CNTNAP2: variants seen among roughly 807,000 people sequenced by gnomAD.
The protein encoded by CNTNAP2 is contactin-associated protein-like 2.
In CNTNAP2, 98 loss-of-function variants were observed where a neutral mutation model predicts 155.2. The observed-to-expected ratio is 0.63, with a 90% CI of 0.54 to 0.75. The LOEUF is 0.75. CNTNAP2 is among the 30% of genes least tolerant of loss of function. The probability of loss-of-function intolerance (pLI) is 0.00; values close to 1 mark genes in which losing one functional copy is unlikely to be tolerated. For missense variants in CNTNAP2, 1,727 were observed against 1,688.1 expected, an observed-to-expected ratio of 1.02 and a Z score of -0.40; for synonymous variants, 651 against 631.2, an observed-to-expected ratio of 1.03 and a Z score of -0.47.
At chr7:148,166,671 A>C (rs1176492508) in intron 17 of CNTNAP2, among the ~76,000 whole-genome samples, 1 of 152,204 alleles carries the variant, frequency 6.6e-6, no homozygotes, top group Non-Finnish European at 1.5e-5. Flanking sequence ...AGAAAAAATG[A>C]TTTACAAATT....
intron 3 of CNTNAP2, among the ~76,000 whole-genome samples, chr7:146,943,208 G>A (rs866993709): frequency 6.6e-6 from 1 of 152,166 alleles, no homozygotes; most frequent in Non-Finnish European, 1.5e-5. Flanking sequence ...TTACTTTAAA[G>A]AGAAAGGAAA....
intron 9 of CNTNAP2, among the ~76,000 whole-genome samples, chr7:147,327,425 T>C (rs1795480669): frequency 6.6e-6 from 1 of 152,206 alleles, no homozygotes; most frequent in Admixed American, 6.5e-5. Context: ...CTGCATTTCA[T>C]TGGCATTTTC....
chr7:147,306,930 C>T (rs1795040469), intron 9 of CNTNAP2, among the ~76,000 whole-genome samples: 1 of 152,082 alleles, frequency 6.6e-6, no homozygotes, highest in African/African-American at 2.4e-5. Flanking sequence ...ACAAAGAGTG[C>T]AATTAAAAGA....
At chr7:147,004,814 G>A (rs1003057816) in intron 3 of CNTNAP2, among the ~76,000 whole-genome samples, 11 of 152,026 alleles carry the variant, frequency 7.2e-5, no homozygotes, top group Admixed American at 3.3e-4. Context: ...GCTTCTCCAA[G>A]GCTACCTAGC....
chr7:147,560,168 C>CAAAAAAAAAAAAACA (rs1800033185), intron 11 of CNTNAP2, among the ~76,000 whole-genome samples: 1 of 52,828 alleles, frequency 1.9e-5, no homozygotes, highest in Admixed American at 2.7e-4. Flanking sequence ...AACTCCGTCT[C>CAAAAAAAAAAAAACA]AAAAAAAAAA....
chr7:147,774,430 G>A (rs1797526719), intron 13 of CNTNAP2, among the ~76,000 whole-genome samples: 1 of 152,136 alleles, frequency 6.6e-6, no homozygotes, highest in Non-Finnish European at 1.5e-5. Context: ...AACTGAGAGG[G>A]TTAAAACAAT....
intron 1 of CNTNAP2, among the ~76,000 whole-genome samples, chr7:146,355,060 T>A (rs886969903): frequency 4.6e-5 from 7 of 152,204 alleles, no homozygotes; most frequent in Admixed American, 4.6e-4. Flanking sequence ...GACACTGTGA[T>A]TTCTAAAAAT....
intron 13 of CNTNAP2, among the ~76,000 whole-genome samples, chr7:147,890,267 G>T (rs151310518): frequency 3.1e-4 from 47 of 152,290 alleles, no homozygotes; most frequent in African/African-American, 1.1e-3. Context: ...TATTCCTAAA[G>T]TGGTATTTTG....
chr7:148,358,798 C>A (rs901325780), intron 21 of CNTNAP2, among the ~76,000 whole-genome samples: 4 of 152,160 alleles, frequency 2.6e-5, no homozygotes, highest in African/African-American at 4.8e-5. Flanking sequence ...ATAATAATAG[C>A]ACCTATTTCA....
At chr7:148,133,426 C>T (rs1804874990) in intron 16 of CNTNAP2, among the ~76,000 whole-genome samples, 1 of 152,098 alleles carries the variant, frequency 6.6e-6, no homozygotes, top group Non-Finnish European at 1.5e-5. Flanking sequence ...CGCGCCACTG[C>T]ACTCCAGCCT....
intron 14 of CNTNAP2, among the ~76,000 whole-genome samples, chr7:147,977,125 T>A (rs1801438060): frequency 6.6e-6 from 1 of 152,124 alleles, no homozygotes; most frequent in Admixed American, 6.6e-5. Flanking sequence ...CAGGAACCCC[T>A]CCTGGGTTTC....
intron 13 of CNTNAP2, among the ~76,000 whole-genome samples, chr7:147,892,441 G>A (rs764588903): frequency 3.3e-5 from 5 of 152,164 alleles, no homozygotes; most frequent in Non-Finnish European, 7.4e-5. Context: ...TGTTTCTGGA[G>A]ACCATGGTGT....
intron 10 of CNTNAP2, among the ~76,000 whole-genome samples, chr7:147,450,243 A>G (rs1261215476): frequency 1.3e-5 from 2 of 152,214 alleles, no homozygotes; most frequent in Non-Finnish European, 2.9e-5. Flanking sequence ...GCCATTCCTG[A>G]CTTGAAGTTG....
intron 12 of CNTNAP2, among the ~76,000 whole-genome samples, chr7:147,580,523 A>C (rs1375091733): frequency 6.6e-6 from 1 of 151,918 alleles, no homozygotes; most frequent in African/African-American, 2.4e-5. Context: ...AATTAACCCC[A>C]ATCATGACAG....
intron 20 of CNTNAP2, among the ~76,000 whole-genome samples, chr7:148,239,462 T>C (rs1336024846): frequency 6.6e-6 from 1 of 152,180 alleles, no homozygotes; most frequent in Non-Finnish European, 1.5e-5. Flanking sequence ...GGTCTGTATA[T>C]GAGTCAGAAT....
intron 10 of CNTNAP2, among the ~76,000 whole-genome samples, chr7:147,440,961 G>A (rs866718974): frequency 5.9e-5 from 9 of 152,076 alleles, no homozygotes; most frequent in South Asian, 2.1e-4. Flanking sequence ...GGTTAAATCT[G>A]CTTGTTGTTC....
At chr7:148,159,081 C>T (rs375291237) in intron 17 of CNTNAP2, among the ~76,000 whole-genome samples, 2 of 151,980 alleles carry the variant, frequency 1.3e-5, no homozygotes, top group South Asian at 2.1e-4. Flanking sequence ...TCCCATCAGA[C>T]GCTTCCCTCT....
chr7:148,081,032 A>G (rs531734175), intron 15 of CNTNAP2, among the ~76,000 whole-genome samples: 1 of 152,360 alleles, frequency 6.6e-6, no homozygotes, highest in Non-Finnish European at 1.5e-5. Context: ...TGTGTTGAGC[A>G]TTTATATCAT....
intron 13 of CNTNAP2, among the ~76,000 whole-genome samples, chr7:147,685,954 G>A (rs1796010841): frequency 6.6e-6 from 1 of 151,992 alleles, no homozygotes; most frequent in Non-Finnish European, 1.5e-5. Context: ...AACCAGGAGT[G>A]AGGGGCAGAC....
Sources: allele counts gnomAD v4.1 joint callset (sites outside exome capture counted in the v4.1 genomes callset), GRCh38; gene constraint gnomAD v4.1.1; transcripts MANE v1.5; gene names NCBI Gene and HGNC (gene_info 2026-07-23, HGNC 2026-07-21).